Variants in SH3KBP1 observed in about 807,000 individuals in gnomAD.
SH3KBP1 encodes SH3 domain-containing kinase-binding protein 1.
A neutral mutation model predicts 50.1 loss-of-function variants in SH3KBP1; 8 were observed. The observed-to-expected ratio is 0.16, with a 90% CI of 0.09 to 0.29. The LOEUF (loss-of-function observed/expected upper bound fraction) is 0.29. SH3KBP1 is among the 10% of genes least tolerant of loss of function. The probability of loss-of-function intolerance (pLI) is 1.00; values close to 1 mark genes in which losing one functional copy is unlikely to be tolerated. For synonymous variants in SH3KBP1, 227 were observed against 218.6 expected (o/e 1.04, Z -0.34); for missense variants, 377 against 535.2 (o/e 0.70, Z 2.92).
chrX:19,585,100 A>C (rs749714944), intron 12 of SH3KBP1, among the ~76,000 whole-genome samples: 7 of 112,353 alleles, frequency 6.2e-5, no homozygotes, highest in Non-Finnish European at 1.3e-4. Context: ...AAAAAATATA[A>C]AGTGCATTAA....
At chrX:19,579,674 AAG>A (rs1248011495) in intron 12 of SH3KBP1, among the ~76,000 whole-genome samples, 1 of 111,796 alleles carries the variant, frequency 8.9e-6, no homozygotes, top group African/African-American at 3.3e-5. Context: ...GGAGGAAGGA[AAG>A]AGAGTGAGAG....
chrX:19,744,700 C>A (rs2064867283), intron 3 of SH3KBP1, among the ~76,000 whole-genome samples: 1 of 111,945 alleles, frequency 8.9e-6, no homozygotes, highest in South Asian at 3.7e-4. Context: ...GGCAGTAAGC[C>A]ATCCCTCTGC....
At chrX:19,588,881 TAAAA>T in intron 11 of SH3KBP1, 79 bp from the exon 12 acceptor site, 1 of 643,111 alleles carries the variant, frequency 1.6e-6, no homozygotes, top group Non-Finnish European at 2.1e-6. Flanking sequence ...CATTTCCTGC[TAAAA>T]AAAAAAAAAA....
chrX:19,576,338 C>T (rs113916852), intron 12 of SH3KBP1, among the ~76,000 whole-genome samples: 1,466 of 110,566 alleles, frequency 0.013, 19 homozygotes, highest in African/African-American at 0.035. Flanking sequence ...CAGCAGCTCA[C>T]CCCCTTTGAG....
chrX:19,761,962 T>C (rs1284876594), intron 2 of SH3KBP1, among the ~76,000 whole-genome samples: 2 of 112,841 alleles, frequency 1.8e-5, no homozygotes, highest in Non-Finnish European at 3.8e-5. Flanking sequence ...CTCTTCCTCA[T>C]AGCTGCACAG....
chrX:19,870,897 C>T, intron 1 of SH3KBP1, among the ~76,000 whole-genome samples: 1 of 111,481 alleles, frequency 9.0e-6, no homozygotes, highest in Non-Finnish European at 1.9e-5. Flanking sequence ...CGAAGCACAC[C>T]GCCGTGTCTC....
chrX:19,862,072 G>A (rs928058484), intron 1 of SH3KBP1, among the ~76,000 whole-genome samples: 15 of 111,914 alleles, frequency 1.3e-4, no homozygotes, highest in African/African-American at 4.5e-4. Flanking sequence ...TGGGAAAGCC[G>A]TGTTTCATCT....
intron 3 of SH3KBP1, among the ~76,000 whole-genome samples, chrX:19,743,385 G>A (rs890163342): frequency 9.1e-6 from 1 of 109,317 alleles, no homozygotes; most frequent in Non-Finnish European, 1.9e-5. Context: ...CTCCAGCCTG[G>A]ATGTCAGAGT....
intron 13 of SH3KBP1, among the ~76,000 whole-genome samples, chrX:19,556,303 T>TC (rs1244803272): frequency 5.4e-4 from 58 of 107,336 alleles, no homozygotes; most frequent in African/African-American, 4.8e-4. Flanking sequence ...TTTTTTTTTT[T>TC]CCAAGGTCTA....
At chrX:19,664,723 T>A (rs2062552558) in intron 6 of SH3KBP1, 1 of 112,245 alleles carries the variant, frequency 8.9e-6, no homozygotes, top group Non-Finnish European at 1.9e-5. Flanking sequence ...CAGGTATTGC[T>A]CAGGCAGATT....
At chrX:19,647,452 C>T (rs1172858393) in intron 6 of SH3KBP1, among the ~76,000 whole-genome samples, 1 of 111,750 alleles carries the variant, frequency 8.9e-6, no homozygotes, top group African/African-American at 3.3e-5. Context: ...AGACATCAAG[C>T]AAGGCCACCA....
intron 1 of SH3KBP1, among the ~76,000 whole-genome samples, chrX:19,860,936 C>T (rs2068760487): frequency 1.8e-5 from 2 of 111,491 alleles, no homozygotes; most frequent in Admixed American, 1.9e-4. Flanking sequence ...AGTATGATAG[C>T]AATGTTGATT....
At chrX:19,813,432 C>T (rs772946070) in intron 2 of SH3KBP1, among the ~76,000 whole-genome samples, 2 of 110,296 alleles carry the variant, frequency 1.8e-5, no homozygotes, top group South Asian at 3.9e-4. Flanking sequence ...CGTGAAATGA[C>T]GATCACAATC....
At chrX:19,645,252 G>A (rs768722242) in intron 7 of SH3KBP1, 148 bp downstream of exon 7, 231 of 488,295 alleles carry the variant, frequency 4.7e-4, no homozygotes, top group Non-Finnish European at 7.7e-4. Flanking sequence ...CCTAATGGTG[G>A]GGAATTGAAT....
intron 12 of SH3KBP1, among the ~76,000 whole-genome samples, chrX:19,586,527 C>T (rs1015297709): frequency 1.8e-5 from 2 of 112,181 alleles, no homozygotes; most frequent in Admixed American, 1.9e-4. Flanking sequence ...GACCACACCA[C>T]TGAAATGATC....
At chrX:19,865,782 A>G (rs1412452579) in intron 1 of SH3KBP1, among the ~76,000 whole-genome samples, 2 of 112,156 alleles carry the variant, frequency 1.8e-5, no homozygotes, top group African/African-American at 6.5e-5. Flanking sequence ...ATGACTGTAC[A>G]CACACTGACC....
At chrX:19,848,263 C>T (rs941670421) in intron 1 of SH3KBP1, among the ~76,000 whole-genome samples, 1 of 111,591 alleles carries the variant, frequency 9.0e-6, no homozygotes, top group Non-Finnish European at 1.9e-5. Flanking sequence ...CTTGTCACAC[C>T]AAGAAAGCAA....
chrX:19,600,282 G>T (rs889340346), intron 9 of SH3KBP1, among the ~76,000 whole-genome samples: 1 of 110,370 alleles, frequency 9.1e-6, no homozygotes, highest in Non-Finnish European at 1.9e-5. Flanking sequence ...TACTCGGGAG[G>T]CTGAGGCAGG....
At chrX:19,543,800 G>A (rs900849927) in intron 15 of SH3KBP1, among the ~76,000 whole-genome samples, 17 of 111,275 alleles carry the variant, frequency 1.5e-4, no homozygotes, top group Non-Finnish European at 1.9e-5. Context: ...GTCCTGAGGA[G>A]GCCAGGAGGG....
Sources: allele counts gnomAD v4.1 joint callset (sites outside exome capture counted in the v4.1 genomes callset), GRCh38; gene constraint gnomAD v4.1.1; transcripts MANE v1.5; gene names NCBI Gene and HGNC (gene_info 2026-07-23, HGNC 2026-07-21).